Variants in TLE3 observed in about 807,000 individuals in gnomAD.
TLE3 encodes the protein TLE family member 3, transcriptional corepressor.
In TLE3, 14 loss-of-function variants were observed where a neutral mutation model predicts 93.0. The observed-to-expected ratio is 0.15, with a 90% CI of 0.10 to 0.24. The LOEUF (loss-of-function observed/expected upper bound fraction) is 0.24. Among genes scored for constraint, TLE3 ranks in the 10% least tolerant of loss-of-function variants. The pLI is 1.00. For synonymous variants in TLE3, 451 were observed against 425.0 expected, an observed-to-expected ratio of 1.06 and a Z score of -0.75; for missense variants, 693 against 1,046.6, an observed-to-expected ratio of 0.66 and a Z score of 4.66.
Position 70,060,581 on chromosome 15 carries a change from G to A in TLE3, c.663C>T (p.Ser221=). ...SEKHRGSADY[S]MEAKKRKAEE... Reference sequence around the variant, plus strand: ...CCGCCTTCCGCTTCTTGGCTTCCATGCTGTAGTCCGCAGAGCCCCGGTGCT... The same window carrying A: ...CCGCCTTCCGCTTCTTGGCTTCCATACTGTAGTCCGCAGAGCCCCGGTGCT... Residue 221 remains serine (S), a synonymous_variant, in exon 9 of 20, where the codon AGC becomes AGT. Coordinates refer to ENST00000451782, the MANE Select transcript of TLE3 (RefSeq NM_001105192.3). The A allele has an allele frequency of 6.2e-7, 1 of 1,614,038 alleles. No homozygotes were observed. The highest frequency in any genetic ancestry group is 1.1e-5 in the South Asian group (1 of 91,092).
chr15:70,053,668 G>C (rs1224309147), intron 16 of TLE3: 1 of 242,012 alleles, frequency 4.1e-6, no homozygotes, highest in African/African-American at 2.2e-5. Context: ...TCCAGGGTGG[G>C]CCTCTGGAGG....
intron 4 of TLE3, among the ~76,000 whole-genome samples, chr15:70,084,497 C>A (rs2057949627): frequency 6.6e-6 from 1 of 152,252 alleles, no homozygotes; most frequent in Non-Finnish European, 1.5e-5. Context: ...CATCTGGTTT[C>A]TTCCCAGCAC....
intron 8 of TLE3, among the ~76,000 whole-genome samples, chr15:70,063,294 C>T (rs895696312): frequency 2.0e-5 from 3 of 152,102 alleles, no homozygotes; most frequent in Admixed American, 6.5e-5. Flanking sequence ...ACTGCCTCTC[C>T]GAAAAAATGC....
chr15:70,054,350 A>T, intron 16 of TLE3, 88 bp downstream of exon 16: 2 of 1,533,946 alleles, frequency 1.3e-6, no homozygotes, highest in Admixed American at 3.8e-5. Flanking sequence ...TGCCTCAGAC[A>T]GGGCCAAGGT....
rs1442879879 is a variant in TLE3, at chr15:70,074,612, A to T, written c.298-5T>A. 1.2e-6 allele frequency: 2 copies of T among 1,607,160 alleles called. No homozygotes were observed. The highest frequency in any genetic ancestry group is 1.7e-6 in the Non-Finnish European group (2 of 1,177,046). On this transcript the variant is annotated splice_polypyrimidine_tract_variant and splice_region_variant and intron_variant, in intron 5 of 19. Coordinates refer to ENST00000451782, the MANE Select transcript of TLE3 (RefSeq NM_001105192.3). ...CTGCGCCACCTGCTGCTGGTGCTGG[A>T]GGGAAGAGGGTGTGCGTTAGATGCA...
chr15:70,094,477 A>T, intron 4 of TLE3, 55 bp downstream of exon 4: 2 of 1,322,120 alleles, frequency 1.5e-6, no homozygotes, highest in South Asian at 1.4e-5. Context: ...TAAGAAGTCC[A>T]CATATATAAG....
rs140226217 is a variant in TLE3 at position 70,056,923 on chromosome 15, A to C, written c.1251+536T>G. ...GCCACCACGCCCGGCTAATTTTTGT[A>C]TTTTTAGTAGAGATGAGGTTTCACC... is the stretch of plus-strand genomic sequence containing the variant. On this transcript the variant is annotated intron_variant, in intron 13 of 19. Coordinates refer to ENST00000451782, the MANE Select transcript of TLE3 (RefSeq NM_001105192.3). Among the ~76,000 whole-genome samples, 31 of 151,898 alleles carry C rather than the reference A, an allele frequency of 2.0e-4. No homozygotes were observed. The East Asian group carries it at 6.0e-3, about 30-fold the overall frequency.
At chr15:70,077,398 C>T (rs1182584632) in intron 4 of TLE3, among the ~76,000 whole-genome samples, 1 of 152,196 alleles carries the variant, frequency 6.6e-6, no homozygotes, top group African/African-American at 2.4e-5. Context: ...AGAGACAAAA[C>T]CATGACAACA....
chr15:70,079,661 A>G (rs1242740500), intron 4 of TLE3, among the ~76,000 whole-genome samples: 2 of 151,850 alleles, frequency 1.3e-5, no homozygotes, highest in African/African-American at 4.8e-5. Context: ...TTCGCTCAAC[A>G]TTTTAAAGAA....
intron 8 of TLE3, among the ~76,000 whole-genome samples, chr15:70,061,346 C>T (rs1431908797): frequency 1.3e-5 from 2 of 152,114 alleles, no homozygotes; most frequent in East Asian, 1.9e-4. Flanking sequence ...GCCTCTGTAG[C>T]CATCACCAAG....
At chr15:70,062,425 C>T (rs1365126694) in intron 8 of TLE3, among the ~76,000 whole-genome samples, 1 of 152,202 alleles carries the variant, frequency 6.6e-6, no homozygotes, top group African/African-American at 2.4e-5. Flanking sequence ...CCTCGCGACC[C>T]GGTGCTCGGC....
chr15:70,088,010 C>G (rs921314083), intron 4 of TLE3, among the ~76,000 whole-genome samples: 1 of 152,172 alleles, frequency 6.6e-6, no homozygotes, highest in African/African-American at 2.4e-5. Flanking sequence ...GCCATCAACT[C>G]TGCAGCAAAC....
chr15:70,050,089 G>A lies in TLE3; in HGVS notation c.*8C>T. 1 of 1,610,700 alleles carries A rather than the reference G, an allele frequency of 6.2e-7. No individual in the cohort carries two copies. Among genetic ancestry groups the A allele is most frequent in the East Asian group, 2.2e-5 (1 of 44,864 alleles). On this transcript the variant is annotated 3_prime_UTR_variant, in exon 20 of 20. Transcript: ENST00000451782. Reference sequence around the variant, plus strand: ...CCCAGAGTTTGACAGCCCTGCTGGAGTTCTTGTTTAGTAGATGACCTCATA... The same window carrying A: ...CCCAGAGTTTGACAGCCCTGCTGGAATTCTTGTTTAGTAGATGACCTCATA...
intron 7 of TLE3, among the ~76,000 whole-genome samples, chr15:70,065,380 C>A (rs1412816751): frequency 2.0e-5 from 3 of 152,222 alleles, no homozygotes; most frequent in Admixed American, 6.5e-5. Context: ...CAGAGAGGGT[C>A]AGAGAACAAG....
At chr15:70,088,014 A>G (rs1299795054) in intron 4 of TLE3, among the ~76,000 whole-genome samples, 1 of 152,122 alleles carries the variant, frequency 6.6e-6, no homozygotes, top group Non-Finnish European at 1.5e-5. Context: ...TCAACTCTGC[A>G]GCAAACAGCC....
In TLE3 at chr15:70,070,246, A is replaced by G. The variant is rs12593849; in HGVS notation, c.373-4028T>C. ...CATGTACTCCACACAAGTGATAAGCACCCATGGCCTGGCTCAGAAGGTGCA... is the reference window on the plus strand; with the variant it reads ...CATGTACTCCACACAAGTGATAAGCGCCCATGGCCTGGCTCAGAAGGTGCA... On this transcript the variant is annotated intron_variant, in intron 6 of 19. Transcript: ENST00000451782. Among the ~76,000 whole-genome samples, 3,103 of 152,318 alleles carry G rather than the reference A, an allele frequency of 0.02. 137 individuals are homozygous for G. In the East Asian group the frequency reaches 0.21, roughly 10 times the overall value.
At chr15:70,090,674 C>A (rs1329712342) in intron 4 of TLE3, among the ~76,000 whole-genome samples, 1 of 152,172 alleles carries the variant, frequency 6.6e-6, no homozygotes, top group Admixed American at 6.5e-5. Context: ...GTTTATGGCA[C>A]CCCATGGCTA....
chr15:70,066,333 T>C lies in TLE3; in HGVS notation c.373-115A>G. 4 of 984,958 alleles carry C rather than the reference T, an allele frequency of 4.1e-6. No individual in the cohort carries two copies. The African/African-American group carries it at 6.7e-5, about 16-fold the overall frequency. The allele number at this position is 984,958 out of a possible 1,614,324, so 61.0% of individuals were successfully genotyped here. A position where few individuals can be genotyped will look rare whatever the true frequency, so the allele number is the denominator to read the frequency against. On this transcript the variant is annotated intron_variant, in intron 6 of 19. Transcript: ENST00000451782. ...CCATTCCTCTTGCTCCTTCACTGGGTGGGTGGCAGGGGGAAGCACCCCCAA... is the reference window on the plus strand; with the variant it reads ...CCATTCCTCTTGCTCCTTCACTGGGCGGGTGGCAGGGGGAAGCACCCCCAA...
chr15:70,063,657 A>G (rs1211399335), intron 8 of TLE3, among the ~76,000 whole-genome samples: 4 of 152,250 alleles, frequency 2.6e-5, no homozygotes, highest in African/African-American at 9.6e-5. Flanking sequence ...GACAGCGATG[A>G]GGAATAAAAT....
Sources: gnomAD v4.1 joint callset for allele counts (sites outside exome capture counted in the v4.1 genomes callset) on GRCh38, gnomAD v4.1.1 for gene constraint, MANE v1.5 for transcripts, NCBI Gene and HGNC (gene_info 2026-07-23, HGNC 2026-07-21) for gene names.